Variants in LDLRAD3 observed in about 807,000 individuals in gnomAD.
LDLRAD3 encodes the protein low-density lipoprotein receptor class A domain-containing protein 3.
A neutral mutation model predicts 29.4 loss-of-function variants in LDLRAD3; 20 were observed. That is an observed-to-expected ratio of 0.68 (90% CI 0.48 to 0.99). The LOEUF (loss-of-function observed/expected upper bound fraction) is 0.99, where lower values mean the gene tolerates loss of function less well. LDLRAD3 is among the 50% of genes least tolerant of loss of function. LDLRAD3 has a pLI of 0.00. For missense variants in LDLRAD3, 420 were observed against 454.3 expected, an observed-to-expected ratio of 0.92 and a Z score of 0.69; for synonymous variants, 157 against 192.7, an observed-to-expected ratio of 0.81 and a Z score of 1.53.
chr11:36,122,951 G>A (rs1394385534), intron 4 of LDLRAD3, among the ~76,000 whole-genome samples: 2 of 152,304 alleles, frequency 1.3e-5, no homozygotes, highest in East Asian at 3.9e-4. Flanking sequence ...TGAGGTGGGA[G>A]GATTGTTTGA....
intron 1 of LDLRAD3, among the ~76,000 whole-genome samples, chr11:35,960,283 G>C (rs1851259738): frequency 6.6e-6 from 1 of 152,078 alleles, no homozygotes; most frequent in African/African-American, 2.4e-5. Context: ...ACTACACTTT[G>C]CTCATTCATC....
chr11:36,146,770 C>CTATTTTATTTTATTTTATTT, intron 4 of LDLRAD3, among the ~76,000 whole-genome samples: 1 of 57,552 alleles, frequency 1.7e-5, no homozygotes, highest in East Asian at 8.4e-4. Flanking sequence ...AAATTTCCCT[C>CTATTTTATTTTATTTTATTT]TACTTTATTT....
At chr11:36,171,620 TC>T (rs1165606619) in intron 4 of LDLRAD3, among the ~76,000 whole-genome samples, 1 of 152,242 alleles carries the variant, frequency 6.6e-6, no homozygotes, top group Non-Finnish European at 1.5e-5. Context: ...TTGTCAAAGG[TC>T]AGTTGACTGC....
chr11:36,064,595 C>T (rs992469717), intron 2 of LDLRAD3, among the ~76,000 whole-genome samples: 2 of 150,228 alleles, frequency 1.3e-5, no homozygotes, highest in African/African-American at 4.9e-5. Context: ...GCTGGGATTA[C>T]AGGCATGAGC....
chr11:36,228,208 C>G (rs1855526567), intron 5 of LDLRAD3, among the ~76,000 whole-genome samples: 1 of 152,202 alleles, frequency 6.6e-6, no homozygotes, highest in Non-Finnish European at 1.5e-5. Context: ...GGACCCTCTT[C>G]CATGGCAGCT....
chr11:36,046,888 AAAAT>A (rs1852457977), intron 2 of LDLRAD3, among the ~76,000 whole-genome samples: 1 of 152,210 alleles, frequency 6.6e-6, no homozygotes, highest in Non-Finnish European at 1.5e-5. Context: ...TTCAAATGAG[AAAAT>A]AAATAAATAT....
chr11:36,143,452 A>G (rs1854116481), intron 4 of LDLRAD3, among the ~76,000 whole-genome samples: 1 of 152,230 alleles, frequency 6.6e-6, no homozygotes, highest in Admixed American at 6.5e-5. Flanking sequence ...AGACTTGCCA[A>G]AAGTCTTGGC....
intron 1 of LDLRAD3, among the ~76,000 whole-genome samples, chr11:36,002,017 T>C (rs1253422227): frequency 6.6e-6 from 1 of 152,204 alleles, no homozygotes; most frequent in Non-Finnish European, 1.5e-5. Context: ...TAATATTAAT[T>C]AACATTTACA....
intron 4 of LDLRAD3, among the ~76,000 whole-genome samples, chr11:36,174,652 A>G (rs1166695161): frequency 6.6e-6 from 1 of 152,224 alleles, no homozygotes; most frequent in Non-Finnish European, 1.5e-5. Context: ...ATGCAAATCA[A>G]AACCACAATG....
chr11:35,960,538 T>C (rs552252293), intron 1 of LDLRAD3, among the ~76,000 whole-genome samples: 8 of 152,344 alleles, frequency 5.3e-5, no homozygotes, highest in African/African-American at 1.7e-4. Flanking sequence ...ATTTGGAATT[T>C]AGAGTTTTTA....
chr11:36,199,427 A>C (rs1472013909), intron 4 of LDLRAD3, among the ~76,000 whole-genome samples: 2 of 152,156 alleles, frequency 1.3e-5, no homozygotes, highest in Non-Finnish European at 2.9e-5. Context: ...GTGCTATGTT[A>C]ATTTGCTTTC....
intron 2 of LDLRAD3, among the ~76,000 whole-genome samples, chr11:36,037,920 T>A (rs904326992): frequency 1.3e-5 from 2 of 152,210 alleles, no homozygotes; most frequent in Admixed American, 6.5e-5. Flanking sequence ...ATTGTTTGTT[T>A]GTTTATTGTT....
At chr11:36,020,593 T>C (rs1341350091) in intron 1 of LDLRAD3, among the ~76,000 whole-genome samples, 1 of 152,190 alleles carries the variant, frequency 6.6e-6, no homozygotes, top group African/African-American at 2.4e-5. Flanking sequence ...AAGTTGTTCA[T>C]GAGTTGTCGG....
intron 2 of LDLRAD3, among the ~76,000 whole-genome samples, chr11:36,064,483 T>TC (rs1852758946): frequency 1.4e-5 from 2 of 146,092 alleles, no homozygotes; most frequent in Admixed American, 1.4e-4. Flanking sequence ...TAATTAATTT[T>TC]TTTTTTTTTT....
intron 4 of LDLRAD3, among the ~76,000 whole-genome samples, chr11:36,113,849 T>C (rs1464588621): frequency 6.6e-6 from 1 of 152,108 alleles, no homozygotes; most frequent in Non-Finnish European, 1.5e-5. Flanking sequence ...AATTTTTGTA[T>C]TTTTAGTAGA....
At chr11:36,041,150 A>G (rs1487501741) in intron 2 of LDLRAD3, among the ~76,000 whole-genome samples, 2 of 152,236 alleles carry the variant, frequency 1.3e-5, no homozygotes, top group Admixed American at 1.3e-4. Context: ...AGGAATAAAG[A>G]TAATGTTTTA....
intron 4 of LDLRAD3, among the ~76,000 whole-genome samples, chr11:36,214,548 A>G (rs1157708885): frequency 6.6e-6 from 1 of 152,242 alleles, no homozygotes; most frequent in African/African-American, 2.4e-5. Context: ...GCCAGTGCCC[A>G]TCAATAACAG....
At chr11:36,141,022 C>CTCTCTCTCTCTCTCTCTG (rs1341360426) in intron 4 of LDLRAD3, among the ~76,000 whole-genome samples, 1 of 151,210 alleles carries the variant, frequency 6.6e-6, no homozygotes, top group Non-Finnish European at 1.5e-5. Context: ...CTCTCTCTCT[C>CTCTCTCTCTCTCTCTCTG]TCTCTCTCTC....
chr11:35,964,704 G>A (rs527277484), intron 1 of LDLRAD3, among the ~76,000 whole-genome samples: 19 of 152,268 alleles, frequency 1.2e-4, no homozygotes, highest in Non-Finnish European at 2.4e-4. Context: ...AATTAGGGTT[G>A]AGCCTGGGTG....
Sources: allele counts gnomAD v4.1 joint callset (sites outside exome capture counted in the v4.1 genomes callset), GRCh38; gene constraint gnomAD v4.1.1; transcripts MANE v1.5; gene names NCBI Gene and HGNC (gene_info 2026-07-23, HGNC 2026-07-21).